Variants in STX7 observed in about 807,000 individuals in gnomAD.
The protein encoded by STX7 is syntaxin-7.
A neutral mutation model predicts 39.6 loss-of-function variants in STX7; 34 were observed. The observed-to-expected ratio is 0.86, with a 90% CI of 0.65 to 1.14. STX7 has a LOEUF of 1.14. Ranked by LOEUF, STX7 falls within the 50% of genes most tolerant of loss-of-function variation. STX7 has a pLI of 0.00. For missense variants in STX7, 284 were observed against 310.4 expected, an observed-to-expected ratio of 0.92 and a Z score of 0.64; for synonymous variants, 119 against 99.1, an observed-to-expected ratio of 1.20 and a Z score of -1.19.
chr6:132,474,614 T>G (rs1208066484), intron 3 of STX7, among the ~76,000 whole-genome samples: 3 of 152,110 alleles, frequency 2.0e-5, no homozygotes. Flanking sequence ...GAAATAAAAT[T>G]TAAGAGTTAA....
rs1774101349 is a variant in STX7 at position 132,449,841 on chromosome 6, A to G, written c.*10917T>C. On this transcript the variant is annotated 3_prime_UTR_variant, in exon 10 of 10. Coordinates refer to ENST00000367941, the MANE Select transcript of STX7 (RefSeq NM_003569.3). The stretch of plus-strand genomic sequence containing the variant: ...ATTGCAATACCTGAATTCCTTGAAT[A>G]TCTAAATCTACTGTTTCTCAATGCA... The G allele has an allele frequency of 6.6e-6, 1 of 152,230 alleles. No individual in the cohort carries two copies. The highest frequency in any genetic ancestry group is 6.5e-5 in the Admixed American group (1 of 15,286). 9.4% of individuals were successfully genotyped at this position (152,230 alleles called of 1,614,324 possible).
rs1374707918 is a variant in STX7 at position 132,448,304 on chromosome 6, C to T, written c.*12454G>A. ...CCATGATTACTGATTTTTTAGCTCACCATACCTTCTTGCATCTCAGACTTT... is the reference window on the plus strand; with the variant it reads ...CCATGATTACTGATTTTTTAGCTCATCATACCTTCTTGCATCTCAGACTTT... On this transcript the variant is annotated 3_prime_UTR_variant, in exon 10 of 10. Transcript: ENST00000367941. The T allele has an allele frequency of 6.6e-6, 1 of 152,130 alleles. No homozygotes were observed. Among genetic ancestry groups the T allele is most frequent in the Non-Finnish European group, 1.5e-5 (1 of 68,016 alleles). 9.4% of individuals were successfully genotyped at this position (152,130 alleles called of 1,614,324 possible). A position where few individuals can be genotyped will look rare whatever the true frequency, so the allele number is the denominator to read the frequency against.
rs745586034 is a variant in STX7 at position 132,503,551 on chromosome 6, A to G, written c.-21T>C. 1 of 1,600,014 alleles carries G rather than the reference A, an allele frequency of 6.2e-7. No individual in the cohort carries two copies. The highest frequency in any genetic ancestry group is 1.3e-5 in the African/African-American group (1 of 74,730). Reference sequence around the variant, plus strand: ...GACATGGTTGATGTTCTTATTCGCTAATTTCATCAGATGCTGTGCAGTTTT... The same window carrying G: ...GACATGGTTGATGTTCTTATTCGCTGATTTCATCAGATGCTGTGCAGTTTT... On this transcript the variant is annotated 5_prime_UTR_variant, in exon 2 of 10. Transcript: ENST00000367941.
At chr6:132,490,360 T>G (rs528375738) in intron 2 of STX7, among the ~76,000 whole-genome samples, 2 of 152,322 alleles carry the variant, frequency 1.3e-5, no homozygotes, top group African/African-American at 4.8e-5. Flanking sequence ...CAGTTCTAAC[T>G]GCCAACACAT....
At chr6:132,486,388 C>T (rs533666987) in intron 2 of STX7, among the ~76,000 whole-genome samples, 5 of 152,168 alleles carry the variant, frequency 3.3e-5, no homozygotes, top group Non-Finnish European at 7.4e-5. Flanking sequence ...ACTTCTACTC[C>T]TAGTTTACTG....
Position 132,491,822 on chromosome 6 carries a change from C to A in STX7, c.85+11624G>T, listed in dbSNP as rs141003251. ...GTCCAGCTCACTCCCCTGGCCCCAA[C>A]TCCAACCTGCCATCCATTGATCCTG... On this transcript the variant is annotated intron_variant, in intron 2 of 9. Transcript: ENST00000367941. Among the ~76,000 whole-genome samples the A allele has an allele frequency of 5.7e-3, 874 of 152,270 alleles. 1 individual carries two copies. Among genetic ancestry groups the A allele is most frequent in the Non-Finnish European group, 0.01 (696 of 68,010 alleles).
At position 132,450,926 on chromosome 6, in the gene STX7, A is replaced by C. The variant is rs1421845137; in HGVS notation, c.*9832T>G. The C allele has an allele frequency of 6.6e-6, 1 of 152,106 alleles. No individual in the cohort carries two copies. The highest frequency in any genetic ancestry group is 1.5e-5 in the Non-Finnish European group (1 of 68,018). The allele number at this position is 152,106 out of a possible 1,614,324, so 9.4% of individuals were successfully genotyped here. On this transcript the variant is annotated 3_prime_UTR_variant, in exon 10 of 10. Transcript: ENST00000367941. ...AAGACATAAACATATAGATGGTGAG[A>C]AGACCTCAAATATAATAAACCCCCC...
chr6:132,502,454 CA>C (rs966444458), intron 2 of STX7, among the ~76,000 whole-genome samples: 3 of 150,212 alleles, frequency 2.0e-5, no homozygotes, highest in Non-Finnish European at 3.0e-5. Flanking sequence ...AATTTACAAA[CA>C]AAAAAAAGTA....
rs1398674452 is a variant in STX7, at chr6:132,454,021, A to G, written c.*6737T>C. On this transcript the variant is annotated 3_prime_UTR_variant, in exon 10 of 10. Transcript: ENST00000367941. ...ATTTATAGTAGCCAAAAACTGGCCC[A>G]ATGTCTCTCAGCAGGTGAACAGTTA... 6.6e-6 allele frequency: 1 copy of G among 152,140 alleles called. No individual in the cohort carries two copies. The highest frequency in any genetic ancestry group is 1.5e-5 in the Non-Finnish European group (1 of 68,000). The allele number at this position is 152,140 out of a possible 1,614,324, so 9.4% of individuals were successfully genotyped here.
chr6:132,461,832 C>A lies in STX7; in HGVS notation c.694-982G>T, dbSNP rs755771771. On this transcript the variant is annotated intron_variant, in intron 9 of 9. Coordinates refer to ENST00000367941, the MANE Select transcript of STX7 (RefSeq NM_003569.3). ...GTAGATTTCTTTAATGGCGTTTGTA[C>A]CTCACATCAACATGCAGGAATCCTT... The A allele has an allele frequency of 1.1e-5, 17 of 1,540,178 alleles. No homozygotes were observed. The South Asian group carries it at 1.8e-4, about 17-fold the overall frequency.
Position 132,503,460 on chromosome 6 carries a change from T to A in STX7, c.71A>T (p.Lys24Met). The A allele has an allele frequency of 1.2e-6, 2 of 1,614,022 alleles. No homozygotes were observed. The highest frequency in any genetic ancestry group is 1.7e-6 in the Non-Finnish European group (2 of 1,179,896). Residue 24 changes from lysine to methionine, a missense_variant, in exon 2 of 10, where the codon AAG becomes ATG. By Grantham distance (95) the Lys-to-Met change is moderately conservative (BLOSUM62 -1). Coordinates refer to ENST00000367941, the MANE Select transcript of STX7 (RefSeq NM_003569.3). Reference sequence around the variant, plus strand: ...ACTCAACTCACAACACTGTGTGATCTTCTGGATGTTAGAAGAGATCCTCTG... The same window carrying A: ...ACTCAACTCACAACACTGTGTGATCATCTGGATGTTAGAAGAGATCCTCTG... The part of the protein sequence containing the change: ...LAQRISSNIQ[K>M]ITQCSVEIQR...
Position 132,449,604 on chromosome 6 carries a change from T to C in STX7, c.*11154A>G, listed in dbSNP as rs1162625163. ...ACCTGTTTTTGCTGCAATATGTTGT[T>C]TCCTCAGTTAAAACTTGATAGTCAA... On this transcript the variant is annotated 3_prime_UTR_variant, in exon 10 of 10. Coordinates refer to ENST00000367941, the MANE Select transcript of STX7 (RefSeq NM_003569.3). The C allele has an allele frequency of 6.6e-6, 1 of 152,194 alleles. No individual in the cohort carries two copies. The highest frequency in any genetic ancestry group is 1.5e-5 in the Non-Finnish European group (1 of 68,032). 9.4% of individuals were successfully genotyped at this position (152,194 alleles called of 1,614,324 possible).
Position 132,468,156 on chromosome 6 carries a change from T to C in STX7, c.610+247A>G, listed in dbSNP as rs182712239. Among the ~76,000 whole-genome samples the C allele has an allele frequency of 7.2e-4, 110 of 152,296 alleles. 1 individual carries two copies. Among genetic ancestry groups the C allele is most frequent in the Non-Finnish European group, 1.0e-4 (7 of 68,016 alleles). ...GTGCCTTCCATGGTCTTGGCAGCAA[T>C]AGGCCCTGATTAAATTTGGGCTTCT... is the stretch of plus-strand genomic sequence containing the variant. On this transcript the variant is annotated intron_variant, in intron 8 of 9. Coordinates refer to ENST00000367941, the MANE Select transcript of STX7 (RefSeq NM_003569.3).
intron 3 of STX7, among the ~76,000 whole-genome samples, chr6:132,474,023 A>G (rs570242460): frequency 1.3e-5 from 2 of 152,036 alleles, no homozygotes; most frequent in African/African-American, 4.8e-5. Context: ...TGAGCCCAGA[A>G]TTGAAGACCA....
Position 132,449,640 on chromosome 6 carries a change from A to C in STX7, c.*11118T>G, listed in dbSNP as rs901410566. 6.6e-5 allele frequency: 10 copies of C among 152,118 alleles called. No homozygotes were observed. The highest frequency in any genetic ancestry group is 1.5e-4 in the Non-Finnish European group (10 of 68,016). 9.4% of individuals were successfully genotyped at this position (152,118 alleles called of 1,614,324 possible). ...AAACTTGATAGTCAACAATTCCTTT[A>C]GTTGTGGTGAATCTGCTCTTAAACC... On this transcript the variant is annotated 3_prime_UTR_variant, in exon 10 of 10. Coordinates refer to ENST00000367941, the MANE Select transcript of STX7 (RefSeq NM_003569.3).
Position 132,460,832 on chromosome 6 carries a change from G to C in STX7, c.712C>G (p.Leu238Val). ...ACAAGGATAAGAATGATGATGCACA[G>C]GGTTTTTCTGGATTTGCGCTGCAGA... ...ADYQRKSRKT[L>V]CIIILILVIG... is the part of the protein sequence containing the mutation. Residue 238 changes from leucine to valine, a missense_variant, in exon 10 of 10, where the codon CTG (leucine) becomes GTG (valine). Coordinates refer to ENST00000367941, the MANE Select transcript of STX7 (RefSeq NM_003569.3). 1.2e-6 allele frequency: 2 copies of C among 1,613,198 alleles called. No individual in the cohort carries two copies. Among genetic ancestry groups the C allele is most frequent in the Non-Finnish European group, 1.7e-6 (2 of 1,179,694 alleles).
chr6:132,462,348 G>T (rs898256969), intron 9 of STX7, among the ~76,000 whole-genome samples: 4 of 152,186 alleles, frequency 2.6e-5, no homozygotes, highest in African/African-American at 4.8e-5. Context: ...GGGAGCTGGG[G>T]GAATTAAGCC....
intron 2 of STX7, among the ~76,000 whole-genome samples, chr6:132,497,925 C>A (rs768468390): frequency 1.3e-5 from 2 of 152,186 alleles, no homozygotes; most frequent in African/African-American, 2.4e-5. Flanking sequence ...TTCTAAGAGG[C>A]ATGGTGATCT....
chr6:132,461,749 T>C, intron 9 of STX7: 1 of 1,315,452 alleles, frequency 7.6e-7, no homozygotes, highest in Non-Finnish European at 1.0e-6. Flanking sequence ...ATCATAATGC[T>C]GTCATTGAAA....
Sources: allele counts gnomAD v4.1 joint callset (sites outside exome capture counted in the v4.1 genomes callset), GRCh38; gene constraint gnomAD v4.1.1; transcripts MANE v1.5; gene names NCBI Gene and HGNC (gene_info 2026-07-23, HGNC 2026-07-21).